The following FLNB variants were observed in gnomAD, a reference collection of about 807,000 sequenced individuals.
FLNB encodes filamin B, also known as filamin-B.
In FLNB, 111 loss-of-function variants were observed where a neutral mutation model predicts 250.6. The observed-to-expected ratio is 0.44, with a 90% CI of 0.38 to 0.52. FLNB has a LOEUF of 0.52. Ranked by LOEUF, FLNB falls within the 20% of genes least tolerant of loss-of-function variation. The pLI, the probability that FLNB is intolerant of heterozygous loss-of-function variation, is 0.00. For synonymous variants in FLNB, 1,302 were observed against 1,372.1 expected, an observed-to-expected ratio of 0.95 and a Z score of 1.13; for missense variants, 2,869 against 3,447.8, an observed-to-expected ratio of 0.83 and a Z score of 4.20.
intron 34 of FLNB, among the ~76,000 whole-genome samples, chr3:58,147,621 C>T (rs910186666): frequency 1.3e-5 from 2 of 152,170 alleles, no homozygotes; most frequent in South Asian, 4.1e-4. Flanking sequence ...ACAGCCATGC[C>T]AGGCAGGTAT....
intron 1 of FLNB, among the ~76,000 whole-genome samples, chr3:58,057,010 C>G (rs1437825319): frequency 1.3e-5 from 2 of 152,092 alleles, no homozygotes; most frequent in African/African-American, 4.8e-5. Flanking sequence ...GGTGAGGTCT[C>G]TCTTTGTTAC....
chr3:58,135,948 A>G, intron 27 of FLNB, 31 bp from the exon 28 acceptor site: 1 of 1,610,080 alleles, frequency 6.2e-7, no homozygotes, highest in Non-Finnish European at 8.5e-7. Context: ...TCTTGACAAC[A>G]TCCTAAATAG....
Position 58,096,231 on chromosome 3 carries a change from A to C in FLNB, c.984+13A>C. 2 of 1,605,734 alleles carry C rather than the reference A, an allele frequency of 1.2e-6. No individual in the cohort carries two copies. Among genetic ancestry groups the C allele is most frequent in the East Asian group, 4.5e-5 (2 of 44,840 alleles). ...CGGGCTACACAAAGTAAGATGAAGCAGCATGGCTGTGGCTTGGGCTGCTCT... is the reference window on the plus strand; with the variant it reads ...CGGGCTACACAAAGTAAGATGAAGCCGCATGGCTGTGGCTTGGGCTGCTCT... On this transcript the variant is annotated intron_variant, in intron 6 of 45. Coordinates refer to ENST00000295956, the MANE Select transcript of FLNB (RefSeq NM_001457.4).
chr3:58,152,590 AATCCCATCAC>A (rs759959332), intron 38 of FLNB: 11 of 319,162 alleles, frequency 3.4e-5, no homozygotes, highest in Non-Finnish European at 6.0e-5. Context: ...GGCCCATGAT[AATCCCATCAC>A]ATTGTTGGGG....
chr3:58,164,608 T>G lies in FLNB; in HGVS notation c.7198+1278T>G, dbSNP rs2097367319. On this transcript the variant is annotated intron_variant, in intron 43 of 45. Transcript: ENST00000295956. The surrounding 1 kb of genome is among the most constrained non-coding windows in gnomAD (Gnocchi z 4.0). ...CCGGGTGCAGGAGTGACTGGTGGGC[T>G]GGCAGGCTGCCCGGGACTCTGGCCA... 1 of 152,282 alleles carries G rather than the reference T, an allele frequency of 6.6e-6. No individual in the cohort carries two copies. The highest frequency in any genetic ancestry group is 2.4e-5 in the African/African-American group (1 of 41,436). 9.4% of individuals were successfully genotyped at this position (152,282 alleles called of 1,614,324 possible).
intron 2 of FLNB, chr3:58,078,462 A>C: frequency 6.5e-7 from 1 of 1,535,830 alleles, no homozygotes; most frequent in Non-Finnish European, 8.7e-7. Context: ...CCACTTCTTC[A>C]AGGAATGGAT....
Position 58,081,624 on chromosome 3 carries a change from C to G in FLNB, c.640-5C>G, listed in dbSNP as rs1020524949. Reference sequence around the variant, plus strand: ...GGGTGTTCATCCACCATGTCATTATCCTAGGTCATCACTCCTGAAGAAATC... The same window carrying G: ...GGGTGTTCATCCACCATGTCATTATGCTAGGTCATCACTCCTGAAGAAATC... On this transcript the variant is annotated splice_region_variant and splice_polypyrimidine_tract_variant and intron_variant, in intron 3 of 45. Coordinates refer to ENST00000295956, the MANE Select transcript of FLNB (RefSeq NM_001457.4). The G allele has an allele frequency of 2.5e-6, 4 of 1,613,876 alleles. No individual in the cohort carries two copies. Among genetic ancestry groups the G allele is most frequent in the Middle Eastern group, 1.7e-4 (1 of 5,972 alleles).
At chr3:58,019,283 C>G (rs2097110331) in intron 1 of FLNB, among the ~76,000 whole-genome samples, 1 of 152,172 alleles carries the variant, frequency 6.6e-6, no homozygotes, top group Non-Finnish European at 1.5e-5. Context: ...GAATTCCTGA[C>G]AAAAAACTTT....
At chr3:58,058,362 A>G (rs1233557603) in intron 1 of FLNB, among the ~76,000 whole-genome samples, 1 of 151,932 alleles carries the variant, frequency 6.6e-6, no homozygotes, top group Non-Finnish European at 1.5e-5. Flanking sequence ...CTCTCTTTCT[A>G]CTGATGTAAG....
chr3:58,026,944 T>A (rs940701259), intron 1 of FLNB, among the ~76,000 whole-genome samples: 1 of 152,164 alleles, frequency 6.6e-6, no homozygotes, highest in Admixed American at 6.6e-5. Context: ...ACTTTTTCCA[T>A]GTGATGGGGC....
intron 24 of FLNB, among the ~76,000 whole-genome samples, chr3:58,128,402 T>G (rs910083962): frequency 6.6e-6 from 1 of 152,170 alleles, no homozygotes; most frequent in Non-Finnish European, 1.5e-5. Flanking sequence ...TCAATATAGA[T>G]TTAAAAAATT....
intron 29 of FLNB, among the ~76,000 whole-genome samples, chr3:58,141,090 A>G (rs1292555935): frequency 6.6e-6 from 1 of 152,056 alleles, no homozygotes; most frequent in African/African-American, 2.4e-5. Flanking sequence ...TCTACCAAAA[A>G]AAAAAAATAA....
At chr3:58,062,658 C>T (rs1479826755) in intron 1 of FLNB, among the ~76,000 whole-genome samples, 1 of 152,188 alleles carries the variant, frequency 6.6e-6, no homozygotes, top group Non-Finnish European at 1.5e-5. Flanking sequence ...GTTGGGGTGG[C>T]CTGCAGACTA....
chr3:58,035,672 G>A (rs1012846267), intron 1 of FLNB, among the ~76,000 whole-genome samples: 3 of 152,172 alleles, frequency 2.0e-5, no homozygotes, highest in Non-Finnish European at 4.4e-5. Flanking sequence ...CTTGGACTTC[G>A]GACAAGCCAG....
chr3:58,163,307 C>T lies in FLNB; in HGVS notation c.7175C>T (p.Thr2392Met), dbSNP rs183021495. 2.1e-5 allele frequency: 34 copies of T among 1,614,142 alleles called. No individual in the cohort carries two copies. The highest frequency in any genetic ancestry group is 4.5e-5 in the East Asian group (2 of 44,886). ...CCTGCCCTGGTGTCCGCCTATGGCA[C>T]GGGACTCGAAGGGGGCACCACAGGT... Reference protein sequence around the residue: ...GNPALVSAYGTGLEGGTTGIQ... With the variant: ...GNPALVSAYGMGLEGGTTGIQ... Residue 2392 changes from threonine (T) to methionine (M), a missense_variant, in exon 43 of 46, where the codon ACG becomes ATG. Coordinates refer to ENST00000295956, the MANE Select transcript of FLNB (RefSeq NM_001457.4).
chr3:58,146,099 G>A, intron 33 of FLNB, 50 bp downstream of exon 33: 2 of 1,605,406 alleles, frequency 1.2e-6, no homozygotes, highest in Non-Finnish European at 1.7e-6. Flanking sequence ...CATTTGGAGG[G>A]TGAAGTGGAC....
At chr3:58,074,860 T>C (rs967925837) in intron 1 of FLNB, among the ~76,000 whole-genome samples, 5 of 152,226 alleles carry the variant, frequency 3.3e-5, no homozygotes, top group Non-Finnish European at 5.9e-5. Flanking sequence ...GAGTTAGTTT[T>C]TCTTACCAGC....
At chr3:58,044,813 C>A (rs2097151246) in intron 1 of FLNB, among the ~76,000 whole-genome samples, 1 of 152,152 alleles carries the variant, frequency 6.6e-6, no homozygotes. Flanking sequence ...TTCCTTCCTG[C>A]AGAGGAGACA....
At chr3:58,102,441 C>T in intron 9 of FLNB, 101 bp downstream of exon 9, 1 of 1,324,752 alleles carries the variant, frequency 7.5e-7, no homozygotes, top group Non-Finnish European at 1.1e-6. Context: ...TCAATAATCC[C>T]AGAAGGCTAT....
Sources: gnomAD v4.1 joint callset for allele counts (sites outside exome capture counted in the v4.1 genomes callset) on GRCh38, gnomAD v4.1.1 for gene constraint, Gnocchi (gnomAD v3.1) non-coding constraint, MANE v1.5 for transcripts, NCBI Gene and HGNC (gene_info 2026-07-23, HGNC 2026-07-21) for gene names.